The following NTM variants were observed in gnomAD, a reference collection of about 807,000 sequenced individuals.
NTM encodes the protein neurotrimin, also known as IgLON family member 2.
Under a neutral mutation model 42.1 loss-of-function variants are expected in NTM, and 13 were observed. That is an observed-to-expected ratio of 0.31 (90% CI 0.20 to 0.49). The LOEUF is 0.49. Among genes scored for constraint, NTM ranks in the 20% least tolerant of loss-of-function variants. The pLI is 0.99. For synonymous variants in NTM, 187 were observed against 179.2 expected (o/e 1.04, Z -0.35); for missense variants, 373 against 452.8 (o/e 0.82, Z 1.60).
At chr11:131,589,976 C>G (rs1293204193) in intron 1 of NTM, among the ~76,000 whole-genome samples, 4 of 152,226 alleles carry the variant, frequency 2.6e-5, no homozygotes, top group Non-Finnish European at 5.9e-5. Context: ...AGCCACATGC[C>G]AGGATCCTCC....
At chr11:131,523,604 C>G (rs982218969) in intron 1 of NTM, among the ~76,000 whole-genome samples, 2 of 151,878 alleles carry the variant, frequency 1.3e-5, no homozygotes, top group Non-Finnish European at 2.9e-5. Context: ...GCCTGGCCAA[C>G]ATGGTGAAAA....
chr11:131,590,017 C>G (rs139216378), intron 1 of NTM, among the ~76,000 whole-genome samples: 2 of 152,210 alleles, frequency 1.3e-5, no homozygotes, highest in African/African-American at 2.4e-5. Context: ...GGAACTGGAA[C>G]GTTCTCACTC....
rs566023831 is a variant in NTM, at chr11:131,718,444, C to G, written c.83-193120C>G. 6.2e-4 allele frequency among the ~76,000 whole-genome samples: 94 copies of G among 152,196 alleles called. 1 individual carries two copies. Among genetic ancestry groups the G allele is most frequent in the African/African-American group, 2.2e-3 (91 of 41,526 alleles). ...TCAGAACAATGTTTACTGTCTGGCCCCATCACTGACACAAGATACTCATGC... is the reference window on the plus strand; with the variant it reads ...TCAGAACAATGTTTACTGTCTGGCCGCATCACTGACACAAGATACTCATGC... On this transcript the variant is annotated intron_variant, in intron 1 of 8. Transcript: ENST00000683400.
At chr11:131,534,119 C>G (rs192867833) in intron 1 of NTM, 1 of 152,322 alleles carries the variant, frequency 6.6e-6, no homozygotes, top group African/African-American at 2.4e-5. Flanking sequence ...TTCAAGTGAA[C>G]AGCTGGCAGT....
At chr11:131,767,835 A>G (rs2085361462) in intron 1 of NTM, among the ~76,000 whole-genome samples, 1 of 152,146 alleles carries the variant, frequency 6.6e-6, no homozygotes, top group Non-Finnish European at 1.5e-5. Context: ...GAAAGGCTTT[A>G]TTCATGAGAC....
At chr11:132,143,484 A>C (rs10791211) in intron 2 of NTM, among the ~76,000 whole-genome samples, 55,023 of 152,134 alleles carry the variant, frequency 0.36, 10,438 homozygotes, top group Non-Finnish European at 0.42. Flanking sequence ...TCCTGCTTCT[A>C]CAGTTTAATA....
At chr11:131,770,243 C>A (rs148291701) in intron 1 of NTM, among the ~76,000 whole-genome samples, 233 of 152,350 alleles carry the variant, frequency 1.5e-3, no homozygotes, top group African/African-American at 5.1e-3. Context: ...GAAGTCCCCG[C>A]TGAGCAGCCC....
chr11:131,432,839 CTTTTTTTTTTTTTTTT>C (rs377739708), intron 1 of NTM, among the ~76,000 whole-genome samples: 39 of 68,706 alleles, frequency 5.7e-4, no homozygotes, highest in Admixed American at 9.7e-4. Flanking sequence ...ATTTAGCATT[CTTTTTTTTTTTTTTTT>C]TTTTTTTTTT....
At chr11:131,627,468 A>G (rs961740970) in intron 1 of NTM, among the ~76,000 whole-genome samples, 1 of 152,200 alleles carries the variant, frequency 6.6e-6, no homozygotes, top group Non-Finnish European at 1.5e-5. Context: ...ATTGATGGCC[A>G]GGCAAGGACC....
chr11:131,837,646 C>CA (rs2043683520), intron 1 of NTM, among the ~76,000 whole-genome samples: 1 of 152,184 alleles, frequency 6.6e-6, no homozygotes, highest in African/African-American at 2.4e-5. Flanking sequence ...GTGTCCTAGA[C>CA]AAGCCCAGGC....
chr11:131,682,084 A>G (rs2073048077), intron 1 of NTM, among the ~76,000 whole-genome samples: 1 of 152,030 alleles, frequency 6.6e-6, no homozygotes, highest in East Asian at 1.9e-4. Context: ...GCACCTAGTG[A>G]CACCTTTCAC....
rs148033173 is a variant in NTM at position 131,456,929 on chromosome 11, G to A, written c.82+86041G>A. Among the ~76,000 whole-genome samples the A allele has an allele frequency of 1.6e-3, 239 of 152,232 alleles. 1 individual carries two copies. Among genetic ancestry groups the A allele is most frequent in the African/African-American group, 5.3e-3 (222 of 41,546 alleles). On this transcript the variant is annotated intron_variant, in intron 1 of 8. Transcript: ENST00000683400. ...CTCTTGAAATGTCTCCTCAGTTCAC[G>A]CAACACCATGTGTGAGGTCCTATGC...
At chr11:131,756,581 G>A (rs1252968310) in intron 1 of NTM, among the ~76,000 whole-genome samples, 1 of 152,066 alleles carries the variant, frequency 6.6e-6, no homozygotes, top group African/African-American at 2.4e-5. Flanking sequence ...CCAGCTACTG[G>A]GGAGGCTGAG....
chr11:132,326,315 T>C (rs2095682188), intron 7 of NTM, among the ~76,000 whole-genome samples: 1 of 152,044 alleles, frequency 6.6e-6, no homozygotes, highest in African/African-American at 2.4e-5. Context: ...TCAGAGGAAA[T>C]TGGAGCTTTT....
At chr11:132,183,055 C>T (rs147757413) in intron 3 of NTM, among the ~76,000 whole-genome samples, 12 of 152,296 alleles carry the variant, frequency 7.9e-5, no homozygotes, top group East Asian at 1.9e-4. Context: ...GCATCTCACA[C>T]GGTGCTGTAC....
chr11:132,192,420 C>G (rs1005683788), intron 3 of NTM, among the ~76,000 whole-genome samples: 4 of 152,184 alleles, frequency 2.6e-5, no homozygotes, highest in Non-Finnish European at 5.9e-5. Flanking sequence ...AACTAAGCTT[C>G]ATAAGCAAAG....
chr11:132,266,530 A>G (rs2093193997), intron 4 of NTM, among the ~76,000 whole-genome samples: 1 of 152,224 alleles, frequency 6.6e-6, no homozygotes, highest in Non-Finnish European at 1.5e-5. Flanking sequence ...AATAGAAGCC[A>G]CATGTAATGA....
In NTM at chr11:131,616,778, G is replaced by GTGTGTGTGTGTGTGT. The variant is rs1555166353; in HGVS notation, c.82+245890_82+245891insTGTGTGTGTGTGTGT. ...TTTTACAAGCACACTGTCTTGAGGG[G>GTGTGTGTGTGTGTGT]GTGTGTGTGTGTGTGTGTGTGTGTG... On this transcript the variant is annotated intron_variant, in intron 1 of 8. Transcript: ENST00000683400. Among the ~76,000 whole-genome samples the GTGTGTGTGTGTGTGT allele has an allele frequency of 7.5e-4, 106 of 141,980 alleles. 1 individual carries two copies. Among genetic ancestry groups the GTGTGTGTGTGTGTGT allele is most frequent in the African/African-American group, 2.4e-3 (88 of 37,364 alleles). 93.1% of individuals were successfully genotyped at this position (141,980 alleles called of 152,430 possible). A position where few individuals can be genotyped will look rare whatever the true frequency, so the allele number is the denominator to read the frequency against.
At chr11:132,029,866 C>T (rs1179095370) in intron 2 of NTM, among the ~76,000 whole-genome samples, 1 of 152,024 alleles carries the variant, frequency 6.6e-6, no homozygotes, top group African/African-American at 2.4e-5. Context: ...TTATCAGGAC[C>T]TTCATTACCA....
Sources: allele counts gnomAD v4.1 joint callset (sites outside exome capture counted in the v4.1 genomes callset), GRCh38; gene constraint gnomAD v4.1.1; transcripts MANE v1.5; gene names NCBI Gene and HGNC (gene_info 2026-07-23, HGNC 2026-07-21).